CEP55: variants seen among roughly 807,000 people sequenced by gnomAD.
The protein encoded by CEP55 is centrosomal protein 55.
A neutral mutation model predicts 63.2 loss-of-function variants in CEP55; 57 were observed. The observed-to-expected ratio is 0.90, with a 90% confidence interval of 0.73 to 1.13. The LOEUF (loss-of-function observed/expected upper bound fraction) is 1.13, where lower values mean the gene tolerates loss of function less well. Among genes scored for constraint, CEP55 ranks in the 50% most tolerant of loss-of-function variants. The pLI is 0.00. For missense variants in CEP55, 456 were observed against 518.9 expected (o/e 0.88, Z 1.18); for synonymous variants, 178 against 191.6 (o/e 0.93, Z 0.59).
intron 6 of CEP55, among the ~76,000 whole-genome samples, chr10:93,518,052 T>C (rs1227991792): frequency 6.6e-6 from 1 of 152,254 alleles, no homozygotes; most frequent in African/African-American, 2.4e-5. Context: ...TTATTGCTAC[T>C]ATTTTAATAA....
chr10:93,508,044 C>G (rs2057706547), intron 4 of CEP55, among the ~76,000 whole-genome samples: 1 of 152,220 alleles, frequency 6.6e-6, no homozygotes, highest in African/African-American at 2.4e-5. Flanking sequence ...TCTCTTGAAA[C>G]TAAGGTTTGC....
intron 8 of CEP55, 191 bp downstream of exon 8, chr10:93,519,998 C>T: frequency 1.6e-6 from 1 of 635,482 alleles, no homozygotes; most frequent in Non-Finnish European, 2.8e-6. Context: ...GGGACATGAT[C>T]ACATCTGGAA....
chr10:93,500,301 T>C (rs547986670), intron 2 of CEP55, 67 bp downstream of exon 2: 1 of 1,276,726 alleles, frequency 7.8e-7, no homozygotes, highest in East Asian at 2.3e-5. Flanking sequence ...GATTTCCTGA[T>C]GCTACCTTCT....
rs2057577793 is a variant in CEP55 at position 93,497,148 on chromosome 10, T to G, written c.-13+225T>G. Among the ~76,000 whole-genome samples, 5 of 152,356 alleles carry G rather than the reference T, an allele frequency of 3.3e-5. No individual in the cohort carries two copies. In the East Asian group the frequency reaches 9.7e-4, roughly 29 times the overall value. On this transcript the variant is annotated intron_variant, in intron 1 of 8. Coordinates refer to ENST00000371485, the MANE Select transcript of CEP55 (RefSeq NM_018131.5). ...GGAATTTTTAAAGATTGGCGTCGCC[T>G]TGTAGAAGATGCGGCTTGTAATTGA...
chr10:93,526,165 A>G (rs2057919466), intron 8 of CEP55, among the ~76,000 whole-genome samples: 5 of 152,262 alleles, frequency 3.3e-5, no homozygotes, highest in Admixed American at 3.3e-4. Flanking sequence ...ACAGAATGGG[A>G]GAAAATTTTT....
At chr10:93,504,106 C>T (rs932961512) in intron 3 of CEP55, among the ~76,000 whole-genome samples, 11 of 151,928 alleles carry the variant, frequency 7.2e-5, no homozygotes, top group African/African-American at 2.4e-4. Context: ...AGTAGGTGTT[C>T]GGTAAATGGT....
chr10:93,499,727 G>A lies in CEP55; in HGVS notation c.-12-313G>A, dbSNP rs886772855. Among the ~76,000 whole-genome samples, 10 of 151,816 alleles carry A rather than the reference G, an allele frequency of 6.6e-5. No individual in the cohort carries two copies. In the East Asian group the frequency reaches 1.9e-3, roughly 29 times the overall value. ...AGTAGAGATGGAGTTTCACCATGTTGGCCAGACTGGTCTCGAACTCCTGAC... is the reference window on the plus strand; with the variant it reads ...AGTAGAGATGGAGTTTCACCATGTTAGCCAGACTGGTCTCGAACTCCTGAC... On this transcript the variant is annotated intron_variant, in intron 1 of 8. Coordinates refer to ENST00000371485, the MANE Select transcript of CEP55 (RefSeq NM_018131.5).
intron 2 of CEP55, 101 bp downstream of exon 2, chr10:93,500,335 T>A (rs1463998000): frequency 2.0e-6 from 2 of 992,208 alleles, no homozygotes; most frequent in Non-Finnish European, 3.0e-6. Context: ...TTCCCTGTCT[T>A]GTCCAGTTGA....
intron 7 of CEP55, 68 bp downstream of exon 7, chr10:93,519,016 T>G: frequency 3.4e-6 from 4 of 1,170,280 alleles, no homozygotes; most frequent in Non-Finnish European, 5.1e-6. Flanking sequence ...CTCATGTTTA[T>G]GCTGTTCTAT....
intron 3 of CEP55, among the ~76,000 whole-genome samples, chr10:93,506,142 C>T (rs571734535): frequency 1.3e-5 from 2 of 152,296 alleles, no homozygotes; most frequent in Admixed American, 6.5e-5. Context: ...GGGGTTTCAC[C>T]ATATTGGCCA....
chr10:93,511,778 A>T (rs1477479085), intron 4 of CEP55, among the ~76,000 whole-genome samples: 1 of 151,632 alleles, frequency 6.6e-6, no homozygotes, highest in East Asian at 2.0e-4. Flanking sequence ...AATGTTTTGT[A>T]TTTTTAGTAG....
chr10:93,515,276 G>T, intron 4 of CEP55, 129 bp from the exon 5 acceptor site: 1 of 700,632 alleles, frequency 1.4e-6, no homozygotes, highest in African/African-American at 1.8e-5. Context: ...ACATAGAATG[G>T]TTGCCCAGAA....
chr10:93,513,943 C>CG (rs2057775725), intron 4 of CEP55, among the ~76,000 whole-genome samples: 2 of 151,442 alleles, frequency 1.3e-5, no homozygotes, highest in South Asian at 2.1e-4. Context: ...CAAAGCCTCC[C>CG]CCTCCCCTTT....
At chr10:93,511,282 A>G (rs2057745594) in intron 4 of CEP55, among the ~76,000 whole-genome samples, 1 of 151,968 alleles carries the variant, frequency 6.6e-6, no homozygotes. Context: ...CTACATTTTT[A>G]TTGGTAACTT....
At chr10:93,502,658 TC>T (rs1215165010) in intron 2 of CEP55, among the ~76,000 whole-genome samples, 1 of 152,196 alleles carries the variant, frequency 6.6e-6, no homozygotes, top group Non-Finnish European at 1.5e-5. Flanking sequence ...AATGAATGCA[TC>T]CCTCTCCTGC....
intron 6 of CEP55, among the ~76,000 whole-genome samples, chr10:93,518,297 C>T (rs2057824511): frequency 3.3e-5 from 5 of 151,892 alleles, no homozygotes; most frequent in Admixed American, 3.3e-4. Context: ...TTACAGGTGC[C>T]CACCACCACG....
At chr10:93,511,900 C>T (rs1479189051) in intron 4 of CEP55, among the ~76,000 whole-genome samples, 1 of 151,870 alleles carries the variant, frequency 6.6e-6, no homozygotes, top group African/African-American at 2.4e-5. Context: ...CTGCACCCAG[C>T]TGGTTCCTTT....
chr10:93,527,045 C>T (rs1200775682), intron 8 of CEP55, among the ~76,000 whole-genome samples: 2 of 150,716 alleles, frequency 1.3e-5, no homozygotes, highest in Admixed American at 1.3e-4. Context: ...AACAAACCTG[C>T]ACATTGTGCA....
chr10:93,499,212 C>T (rs1433072275), intron 1 of CEP55, among the ~76,000 whole-genome samples: 1 of 152,154 alleles, frequency 6.6e-6, no homozygotes, highest in Non-Finnish European at 1.5e-5. Flanking sequence ...TTTAGGTTCT[C>T]TTCACTTTTT....
Sources: allele counts gnomAD v4.1 joint callset (sites outside exome capture counted in the v4.1 genomes callset), GRCh38; gene constraint gnomAD v4.1.1; transcripts MANE v1.5; gene names NCBI Gene and HGNC (gene_info 2026-07-23, HGNC 2026-07-21).